Variants in CALN1 observed in about 807,000 individuals in gnomAD.
CALN1 encodes the protein calcium-binding protein 8.
In CALN1, 17 loss-of-function variants were observed where a neutral mutation model predicts 30.6. The ratio of observed to expected loss-of-function variants is 0.56; its 90% confidence interval spans 0.38 to 0.83. The LOEUF (loss-of-function observed/expected upper bound fraction) is 0.83, where lower values mean the gene tolerates loss of function less well. CALN1 is among the 40% of genes least tolerant of loss of function. The pLI, the probability that CALN1 is intolerant of heterozygous loss-of-function variation, is 0.00. For synonymous variants in CALN1, 156 were observed against 131.4 expected, an observed-to-expected ratio of 1.19 and a Z score of -1.28; for missense variants, 291 against 354.9, an observed-to-expected ratio of 0.82 and a Z score of 1.45.
intron 2 of CALN1, among the ~76,000 whole-genome samples, chr7:72,379,261 C>T (rs1804749215): frequency 6.6e-6 from 1 of 152,178 alleles, no homozygotes; most frequent in Non-Finnish European, 1.5e-5. Flanking sequence ...TCCCAAAGTG[C>T]TGGGATTAGA....
At chr7:72,068,257 T>G (rs1199654842) in intron 4 of CALN1, among the ~76,000 whole-genome samples, 1 of 152,210 alleles carries the variant, frequency 6.6e-6, no homozygotes, top group Non-Finnish European at 1.5e-5. Context: ...CATACACTAT[T>G]TACTCATCAA....
At chr7:72,196,684 C>G (rs942554425) in intron 3 of CALN1, among the ~76,000 whole-genome samples, 5 of 152,206 alleles carry the variant, frequency 3.3e-5, no homozygotes, top group African/African-American at 4.8e-5. Flanking sequence ...TTATCCAAGG[C>G]AGCAGGGAGA....
intron 5 of CALN1, among the ~76,000 whole-genome samples, chr7:71,826,713 T>A (rs1788936319): frequency 6.6e-6 from 1 of 152,140 alleles, no homozygotes; most frequent in Non-Finnish European, 1.5e-5. Context: ...ACCTCTGATC[T>A]CATTTCCTAC....
At chr7:72,128,994 A>G (rs1375749547) in intron 3 of CALN1, among the ~76,000 whole-genome samples, 1 of 152,228 alleles carries the variant, frequency 6.6e-6, no homozygotes, top group African/African-American at 2.4e-5. Flanking sequence ...TTTCCCTCAC[A>G]TTAAAAAATT....
intron 3 of CALN1, among the ~76,000 whole-genome samples, chr7:72,225,599 T>C (rs1793614118): frequency 6.6e-6 from 1 of 152,050 alleles, no homozygotes. Flanking sequence ...GTGTATTCTA[T>C]TTTAAAGCGA....
chr7:72,004,449 G>C (rs887209868), intron 5 of CALN1, among the ~76,000 whole-genome samples: 13 of 152,096 alleles, frequency 8.5e-5, no homozygotes, highest in Non-Finnish European at 1.5e-4. Context: ...AAAAAAATAG[G>C]AGAAAATCTT....
chr7:72,401,108 G>C (rs191358620), intron 2 of CALN1, among the ~76,000 whole-genome samples: 1 of 152,268 alleles, frequency 6.6e-6, no homozygotes, highest in East Asian at 1.9e-4. Context: ...AATGTACCTG[G>C]AAAAGATGAC....
intron 3 of CALN1, among the ~76,000 whole-genome samples, chr7:72,270,690 G>T (rs763310779): frequency 6.6e-6 from 1 of 152,106 alleles, no homozygotes; most frequent in Non-Finnish European, 1.5e-5. Context: ...CAGGAGCATC[G>T]CTTGAGATCA....
intron 4 of CALN1, among the ~76,000 whole-genome samples, chr7:72,042,029 A>G (rs1584807800): frequency 6.6e-6 from 1 of 152,226 alleles, no homozygotes; most frequent in East Asian, 1.9e-4. Flanking sequence ...AAACTAATAC[A>G]GAGTAGCAAG....
At chr7:71,995,668 C>T (rs1224284941) in intron 5 of CALN1, among the ~76,000 whole-genome samples, 1 of 152,014 alleles carries the variant, frequency 6.6e-6, no homozygotes, top group Non-Finnish European at 1.5e-5. Flanking sequence ...ATACCACTAA[C>T]AGTAAAAAGC....
chr7:72,295,306 A>G (rs556228825), intron 2 of CALN1, among the ~76,000 whole-genome samples: 164 of 152,336 alleles, frequency 1.1e-3, no homozygotes, highest in African/African-American at 3.7e-3. Context: ...ATTTTTAAAA[A>G]TAACAAAAAC....
chr7:71,955,393 G>A (rs775016639), intron 5 of CALN1, among the ~76,000 whole-genome samples: 12 of 152,080 alleles, frequency 7.9e-5, no homozygotes, highest in Admixed American at 4.6e-4. Context: ...ATGACACAGC[G>A]GAGAGGTTGA....
chr7:71,990,378 A>G (rs547442448), intron 5 of CALN1, among the ~76,000 whole-genome samples: 55 of 152,282 alleles, frequency 3.6e-4, no homozygotes, highest in African/African-American at 1.3e-3. Context: ...GTCGTTTAGC[A>G]TATCATCAAG....
chr7:72,387,260 G>A (rs1805275319), intron 2 of CALN1, among the ~76,000 whole-genome samples: 1 of 39,316 alleles, frequency 2.5e-5, no homozygotes, highest in African/African-American at 8.4e-5. Context: ...GAGGGAGGAA[G>A]GGAGGAAGGG....
At chr7:71,832,121 C>T (rs927108504) in intron 5 of CALN1, among the ~76,000 whole-genome samples, 16 of 152,142 alleles carry the variant, frequency 1.1e-4, no homozygotes, top group Middle Eastern at 3.4e-3. Context: ...TTAAGTTCCT[C>T]GTGGCTAAAA....
intron 5 of CALN1, among the ~76,000 whole-genome samples, chr7:71,970,042 C>T (rs1200897467): frequency 6.6e-6 from 1 of 152,060 alleles, no homozygotes; most frequent in Non-Finnish European, 1.5e-5. Context: ...CTAGACTGGT[C>T]TCAAACTCTT....
At chr7:72,075,070 G>T (rs1804645027) in intron 4 of CALN1, among the ~76,000 whole-genome samples, 1 of 152,180 alleles carries the variant, frequency 6.6e-6, no homozygotes, top group South Asian at 2.1e-4. Context: ...CCCAAGAAAA[G>T]CCAAGATTTC....
At chr7:72,340,279 C>T (rs1802321341) in intron 2 of CALN1, among the ~76,000 whole-genome samples, 1 of 152,158 alleles carries the variant, frequency 6.6e-6, no homozygotes, top group Non-Finnish European at 1.5e-5. Context: ...CCCTATGTTG[C>T]CCAGGCTGGT....
At chr7:72,242,723 G>A (rs922945812) in intron 3 of CALN1, among the ~76,000 whole-genome samples, 4 of 151,808 alleles carry the variant, frequency 2.6e-5, no homozygotes, top group African/African-American at 9.7e-5. Flanking sequence ...CCCCATTTCT[G>A]CTAAAAATAA....
Sources: allele counts gnomAD v4.1 joint callset (sites outside exome capture counted in the v4.1 genomes callset), GRCh38; gene constraint gnomAD v4.1.1; transcripts MANE v1.5; gene names NCBI Gene and HGNC (gene_info 2026-07-23, HGNC 2026-07-21).